Variants in FYB1 observed in about 807,000 individuals in gnomAD.
FYB1 encodes the protein FYN binding protein 1.
FYB1 carries 41 observed loss-of-function variants against 94.1 expected under a neutral mutation model. That is an observed-to-expected ratio of 0.44 (90% CI 0.34 to 0.57). FYB1 has a LOEUF of 0.57. Ranked by LOEUF, FYB1 falls within the 20% of genes least tolerant of loss-of-function variation. The pLI is 0.02. For synonymous variants in FYB1, 367 were observed against 353.2 expected, an observed-to-expected ratio of 1.04 and a Z score of -0.44; for missense variants, 1,050 against 976.8, an observed-to-expected ratio of 1.07 and a Z score of -1.00.
chr5:39,111,144 A>G (rs1432155421), intron 16 of FYB1, among the ~76,000 whole-genome samples: 1 of 151,942 alleles, frequency 6.6e-6, no homozygotes, highest in Non-Finnish European at 1.5e-5. Flanking sequence ...CATTGTGCAA[A>G]TGTTTCTCAG....
chr5:39,237,642 C>T (rs933111375), intron 1 of FYB1, among the ~76,000 whole-genome samples: 10 of 152,174 alleles, frequency 6.6e-5, no homozygotes, highest in Admixed American at 2.0e-4. Flanking sequence ...GTTAAAATGA[C>T]TACAATACTT....
Position 39,119,564 on chromosome 5 carries a change from CT to C in FYB1, c.2208del (p.Glu737LysfsTer27). 6.5e-7 allele frequency: 1 copy of C among 1,544,134 alleles called. No individual in the cohort carries two copies. Among genetic ancestry groups the C allele is most frequent in the Non-Finnish European group, 8.7e-7 (1 of 1,143,878 alleles). On this transcript the variant is annotated frameshift_variant, in exon 15 of 19. Coordinates refer to ENST00000512982, the MANE Select transcript of FYB1 (RefSeq NM_001465.6). LOFTEE classifies it high-confidence loss of function. ...KDLKKLKKQE[K>X]EEKDFRKKFK... ...AATTTTTTCCTGAAGTCTTTTTCTT[CT>C]TTTTCCTGCTTTTTTAGCTTCTTAA...
intron 1 of FYB1, among the ~76,000 whole-genome samples, chr5:39,232,849 A>G (rs1282856531): frequency 6.6e-6 from 1 of 151,854 alleles, no homozygotes; most frequent in Non-Finnish European, 1.5e-5. Flanking sequence ...TAGTTTACTG[A>G]GAATGATGAT....
At chr5:39,168,898 C>T (rs554609394) in intron 2 of FYB1, among the ~76,000 whole-genome samples, 1 of 152,002 alleles carries the variant, frequency 6.6e-6, no homozygotes, top group South Asian at 2.1e-4. Flanking sequence ...ATCAATGTCA[C>T]CTAACATATA....
chr5:39,187,405 T>C (rs1194904861), intron 2 of FYB1, among the ~76,000 whole-genome samples: 2 of 152,200 alleles, frequency 1.3e-5, no homozygotes, highest in Admixed American at 6.5e-5. Context: ...ATTGGTCTAA[T>C]TTCTTGTAAG....
At chr5:39,237,142 G>T (rs530725564) in intron 1 of FYB1, among the ~76,000 whole-genome samples, 54 of 152,136 alleles carry the variant, frequency 3.5e-4, no homozygotes, top group Admixed American at 2.9e-3. Flanking sequence ...AACAATTTGG[G>T]TTTGACTGTC....
chr5:39,183,445 C>T (rs1337552477), intron 2 of FYB1, among the ~76,000 whole-genome samples: 2 of 152,248 alleles, frequency 1.3e-5, no homozygotes, highest in East Asian at 1.9e-4. Flanking sequence ...GGTAGAGTGT[C>T]GAGCATAAAG....
At chr5:39,215,406 G>A (rs757082540) in intron 1 of FYB1, among the ~76,000 whole-genome samples, 22 of 152,028 alleles carry the variant, frequency 1.4e-4, no homozygotes, top group Non-Finnish European at 2.5e-4. Context: ...TTTTCATTGC[G>A]ATGACGATGG....
At chr5:39,154,989 T>A (rs192730215) in intron 2 of FYB1, among the ~76,000 whole-genome samples, 9 of 152,350 alleles carry the variant, frequency 5.9e-5, no homozygotes, top group Non-Finnish European at 1.0e-4. Context: ...AGGATATTAA[T>A]CTTTTTGTTT....
At position 39,119,637 on chromosome 5, in the gene FYB1, A is replaced by G. The variant is rs1739901488; in HGVS notation, c.2139-3T>C. 1.3e-6 allele frequency: 2 copies of G among 1,516,958 alleles called. No individual in the cohort carries two copies. Among genetic ancestry groups the G allele is most frequent in the Non-Finnish European group, 1.8e-6 (2 of 1,133,644 alleles). The allele number at this position is 1,516,958 out of a possible 1,614,324, so 94.0% of individuals were successfully genotyped here. A position where few individuals can be genotyped will look rare whatever the true frequency, so the allele number is the denominator to read the frequency against. ...CTTTTCCAACATTAGTTCCTTGACT[A>G]GAACGGCAGAACACACATAAAACAA... On this transcript the variant is annotated splice_region_variant and splice_polypyrimidine_tract_variant and intron_variant, in intron 14 of 18. Transcript: ENST00000512982.
chr5:39,243,441 A>G (rs1334480014), intron 1 of FYB1, among the ~76,000 whole-genome samples: 2 of 151,752 alleles, frequency 1.3e-5, no homozygotes, highest in African/African-American at 4.9e-5. Flanking sequence ...GTCAAAGATC[A>G]GGTAGTTGTA....
intron 1 of FYB1, among the ~76,000 whole-genome samples, chr5:39,252,426 A>T (rs1052927032): frequency 6.6e-6 from 1 of 152,198 alleles, no homozygotes; most frequent in African/African-American, 2.4e-5. Flanking sequence ...TGGCTGTGGA[A>T]TTTTTTAAAA....
chr5:39,125,228 A>G (rs1336826448), intron 12 of FYB1, among the ~76,000 whole-genome samples: 1 of 152,170 alleles, frequency 6.6e-6, no homozygotes, highest in Non-Finnish European at 1.5e-5. Flanking sequence ...GGAATGCTAT[A>G]TGGAATTAAC....
chr5:39,182,321 GTGTGTGTGTGTGTGTGTGTGTGTGTA>G (rs1390156912), intron 2 of FYB1, among the ~76,000 whole-genome samples: 30 of 142,492 alleles, frequency 2.1e-4, no homozygotes, highest in African/African-American at 3.3e-4. Flanking sequence ...GTGTGTGTGT[GTGTGTGTGTGTGTGTGTGTGTGTGTA>G]TGTGGTCAAG....
At chr5:39,194,518 G>A (rs1485627926) in intron 2 of FYB1, among the ~76,000 whole-genome samples, 1 of 151,634 alleles carries the variant, frequency 6.6e-6, no homozygotes, top group Non-Finnish European at 1.5e-5. Context: ...GCAAGACCCT[G>A]TCTCAAAAAA....
At position 39,153,475 on chromosome 5, in the gene FYB1, C is replaced by T. The variant is rs1743442777; in HGVS notation, c.1265G>A (p.Arg422Lys). The T allele has an allele frequency of 6.2e-7, 1 of 1,613,736 alleles. No homozygotes were observed. Among genetic ancestry groups the T allele is most frequent in the South Asian group, 1.1e-5 (1 of 91,072 alleles). Residue 422 changes from arginine (R) to lysine (K), a missense_variant, in exon 3 of 19, where the codon AGA (arginine) becomes AAA (lysine). Coordinates refer to ENST00000512982, the MANE Select transcript of FYB1 (RefSeq NM_001465.6). ...SQPPVPSLPP[R>K]NIKPPFDLKS... ...TAGGTCAAACGGAGGTTTAATGTTTCTGGGAGGTAGGCTTGGGACTGGTGG... is the reference window on the plus strand; with the variant it reads ...TAGGTCAAACGGAGGTTTAATGTTTTTGGGAGGTAGGCTTGGGACTGGTGG...
intron 1 of FYB1, chr5:39,250,597 C>A (rs1191513246): frequency 3.3e-5 from 5 of 152,080 alleles, no homozygotes; most frequent in African/African-American, 1.2e-4. Flanking sequence ...GTTCTTGGTT[C>A]TTTTTCTTCT....
Position 39,119,849 on chromosome 5 carries a change from G to A in FYB1, c.2139-215C>T, listed in dbSNP as rs1316009210. ...AATATAGATTATGAGAATTAAAATG[G>A]AAGTGAGAGATTAGATTCGTTCTTA... On this transcript the variant is annotated intron_variant, in intron 14 of 18. Transcript: ENST00000512982. 4.6e-5 allele frequency among the ~76,000 whole-genome samples: 7 copies of A among 152,024 alleles called. No individual in the cohort carries two copies. In the East Asian group the frequency reaches 1.3e-3, roughly 29 times the overall value.
intron 1 of FYB1, among the ~76,000 whole-genome samples, chr5:39,213,557 G>T (rs968821861): frequency 6.6e-6 from 1 of 152,172 alleles, no homozygotes; most frequent in African/African-American, 2.4e-5. Context: ...AGGGCTCAAG[G>T]CCAAAACATC....
Sources: gnomAD v4.1 joint callset for allele counts (sites outside exome capture counted in the v4.1 genomes callset) on GRCh38, gnomAD v4.1.1 for gene constraint, MANE v1.5 for transcripts, NCBI Gene and HGNC (gene_info 2026-07-23, HGNC 2026-07-21) for gene names.